UNC13C: variants seen among roughly 807,000 people sequenced by gnomAD.
The protein encoded by UNC13C is unc-13 homolog C, also known as protein unc-13 homolog C.
In UNC13C, 174 loss-of-function variants were observed where a neutral mutation model predicts 245.4. The observed-to-expected ratio is 0.71, with a 90% CI of 0.63 to 0.80. The LOEUF (loss-of-function observed/expected upper bound fraction) is 0.80. Among genes scored for constraint, UNC13C ranks in the 30% least tolerant of loss-of-function variants. The probability of loss-of-function intolerance (pLI) is 0.00; values close to 1 mark genes in which losing one functional copy is unlikely to be tolerated. For missense variants in UNC13C, 2,829 were observed against 2,602.9 expected (o/e 1.09, Z -1.89); for synonymous variants, 992 against 895.1 (o/e 1.11, Z -1.93).
rs576079915 is a variant in UNC13C at position 54,529,282 on chromosome 15, C to G, written c.5547-3635C>G. On this transcript the variant is annotated intron_variant, in intron 25 of 32. Coordinates refer to ENST00000260323, the MANE Select transcript of UNC13C (RefSeq NM_001080534.3). ...ATTATGAACAAGTGTATGTATAACCCTGCTATTAAAGGCCCAGAAGCAAGA... is the reference window on the plus strand; with the variant it reads ...ATTATGAACAAGTGTATGTATAACCGTGCTATTAAAGGCCCAGAAGCAAGA... Among the ~76,000 whole-genome samples, 8 of 152,228 alleles carry G rather than the reference C, an allele frequency of 5.3e-5. 1 individual carries two copies. In the South Asian group the frequency reaches 1.7e-3, roughly 32 times the overall value.
chr15:54,352,287 T>C (rs1340926173), intron 17 of UNC13C, among the ~76,000 whole-genome samples: 2 of 147,550 alleles, frequency 1.4e-5, no homozygotes, highest in Non-Finnish European at 3.0e-5. Context: ...TACATTTATA[T>C]AATTATATTT....
chr15:54,553,996 A>G (rs936625225), intron 28 of UNC13C, among the ~76,000 whole-genome samples: 23 of 152,028 alleles, frequency 1.5e-4, no homozygotes, highest in Non-Finnish European at 2.8e-4. Context: ...TCATATGATT[A>G]ACTTGAAATC....
the UNC13C span, among the ~76,000 whole-genome samples, chr15:53,879,202 A>T: frequency 2.0e-5 from 3 of 152,154 alleles, no homozygotes; most frequent in East Asian, 1.9e-4. Context: ...CACTCTGTTG[A>T]CCAGGCTGCA....
At chr15:53,893,204 C>T in the UNC13C span, among the ~76,000 whole-genome samples, 196 of 152,312 alleles carry the variant, frequency 1.3e-3, no homozygotes, top group African/African-American at 4.6e-3. Context: ...GCAAAGATTA[C>T]TGCCTGTTCT....
chr15:54,547,318 A>T (rs2141177236), intron 27 of UNC13C, among the ~76,000 whole-genome samples: 1 of 152,256 alleles, frequency 6.6e-6, no homozygotes, highest in East Asian at 1.9e-4. Context: ...CTTTTAGTGA[A>T]TCTGAAAAAT....
intron 1 of UNC13C, among the ~76,000 whole-genome samples, chr15:53,989,090 T>C (rs1191173066): frequency 6.6e-6 from 1 of 151,954 alleles, no homozygotes; most frequent in East Asian, 1.9e-4. Context: ...TTTAAATAGA[T>C]GCCATGCTTG....
chr15:54,175,193 AT>A (rs1366170839), intron 4 of UNC13C, among the ~76,000 whole-genome samples: 2 of 152,180 alleles, frequency 1.3e-5, no homozygotes, highest in Non-Finnish European at 2.9e-5. Context: ...AAAGCCCTAA[AT>A]CTTATCTCTC....
At chr15:54,239,332 CAT>C (rs2035791361) in intron 7 of UNC13C, among the ~76,000 whole-genome samples, 1 of 152,256 alleles carries the variant, frequency 6.6e-6, no homozygotes, top group South Asian at 2.1e-4. Context: ...TAAAACAAAA[CAT>C]ATTCGTTTGA....
Position 54,326,245 on chromosome 15 carries a change from A to G in UNC13C, c.4425+4150A>G, listed in dbSNP as rs141604780. 2.6e-3 allele frequency among the ~76,000 whole-genome samples: 396 copies of G among 152,190 alleles called. 2 individuals carry two copies. The highest frequency in any genetic ancestry group is 4.8e-3 in the Non-Finnish European group (325 of 67,972). On this transcript the variant is annotated intron_variant, in intron 14 of 32. Transcript: ENST00000260323. Reference sequence around the variant, plus strand: ...GACAAGTGTTGCTCATTTACAAAACAATGGGCTGTGAAATGGTTGCAGAGG... The same window carrying G: ...GACAAGTGTTGCTCATTTACAAAACGATGGGCTGTGAAATGGTTGCAGAGG...
At chr15:53,907,880 A>G in the UNC13C span, among the ~76,000 whole-genome samples, 1 of 146,538 alleles carries the variant, frequency 6.8e-6, no homozygotes, top group African/African-American at 2.4e-5. Context: ...AAAATAATAA[A>G]CAGAGCCATT....
intron 4 of UNC13C, among the ~76,000 whole-genome samples, chr15:54,171,970 G>T (rs1330461548): frequency 6.6e-6 from 1 of 152,026 alleles, no homozygotes; most frequent in Non-Finnish European, 1.5e-5. Flanking sequence ...ATGGATGCCA[G>T]TGGAGGTCGT....
chr15:54,067,831 A>C (rs1039168573), intron 2 of UNC13C, among the ~76,000 whole-genome samples: 4 of 152,224 alleles, frequency 2.6e-5, no homozygotes, highest in African/African-American at 9.6e-5. Context: ...TGTGAGACCT[A>C]GTGAGCTCAA....
At chr15:54,388,677 C>A (rs2039888863) in intron 17 of UNC13C, among the ~76,000 whole-genome samples, 1 of 151,572 alleles carries the variant, frequency 6.6e-6, no homozygotes, top group South Asian at 2.1e-4. Context: ...TCAGCAGGGG[C>A]CTCTCTCCTT....
chr15:54,352,036 A>G (rs930582162), intron 17 of UNC13C, among the ~76,000 whole-genome samples: 3 of 151,928 alleles, frequency 2.0e-5, no homozygotes, highest in South Asian at 4.1e-4. Flanking sequence ...ATACAGAGAT[A>G]GAATTAAAGT....
chr15:54,629,766 G>C (rs749254835), downstream of UNC13C: 1 of 150,322 alleles, frequency 6.7e-6, no homozygotes, highest in Non-Finnish European at 1.5e-5. Context: ...GATTTGCATT[G>C]ATCACTTTAA....
At chr15:53,892,932 C>A in the UNC13C span, among the ~76,000 whole-genome samples, 1 of 152,116 alleles carries the variant, frequency 6.6e-6, no homozygotes. Flanking sequence ...GATTTGTGAT[C>A]CTTTGGAGGA....
intron 24 of UNC13C, among the ~76,000 whole-genome samples, chr15:54,521,829 A>T (rs113885165): frequency 4.6e-5 from 7 of 152,366 alleles, no homozygotes; most frequent in African/African-American, 1.7e-4. Flanking sequence ...AAGATGATAT[A>T]GGACTGCTTC....
At chr15:54,613,127 TAGA>T (rs1229191146) in intron 30 of UNC13C, among the ~76,000 whole-genome samples, 1 of 151,832 alleles carries the variant, frequency 6.6e-6, no homozygotes, top group East Asian at 1.9e-4. Context: ...TAAAAACAAT[TAGA>T]AGATTTACTC....
intron 2 of UNC13C, among the ~76,000 whole-genome samples, chr15:54,031,731 A>C (rs1420233302): frequency 6.6e-6 from 1 of 152,216 alleles, no homozygotes; most frequent in East Asian, 1.9e-4. Flanking sequence ...GCTTTCATTG[A>C]TGCCTTTTAT....
Sources: gnomAD v4.1 joint callset for allele counts (sites outside exome capture counted in the v4.1 genomes callset) on GRCh38, gnomAD v4.1.1 for gene constraint, MANE v1.5 for transcripts, NCBI Gene and HGNC (gene_info 2026-07-23, HGNC 2026-07-21) for gene names.